The following CCDC7 variants were observed in gnomAD, a reference collection of about 807,000 sequenced individuals.
CCDC7 encodes coiled-coil domain containing 7, also known as coiled-coil domain-containing protein 7.
Under a neutral mutation model 196.9 loss-of-function variants are expected in CCDC7, and 183 were observed. The ratio of observed to expected loss-of-function variants is 0.93; its 90% CI spans 0.82 to 1.05. The LOEUF (loss-of-function observed/expected upper bound fraction) is 1.05, where lower values mean the gene tolerates loss of function less well. Among genes scored for constraint, CCDC7 ranks in the 50% least tolerant of loss-of-function variants. CCDC7 has a pLI of 0.00. For synonymous variants in CCDC7, 525 were observed against 484.6 expected (o/e 1.08, Z -1.10); for missense variants, 1,540 against 1,482.2 (o/e 1.04, Z -0.64).
rs567912223 is a variant in CCDC7, at chr10:32,837,740, C to A, written c.3352+2842C>A. Among the ~76,000 whole-genome samples, 346 of 152,138 alleles carry A rather than the reference C, an allele frequency of 2.3e-3. 1 individual carries two copies. The highest frequency in any genetic ancestry group is 7.3e-3 in the African/African-American group (304 of 41,496). The stretch of plus-strand genomic sequence containing the variant: ...CACATATACACCATGGAATACCATG[C>A]AGCCATAAAAAATGATGAGCTAATG... On this transcript the variant is annotated intron_variant, in intron 33 of 41. Coordinates refer to ENST00000639629, the Ensembl canonical transcript of CCDC7.
At chr10:32,650,321 G>C (rs2068515327) in intron 20 of CCDC7, among the ~76,000 whole-genome samples, 1 of 152,212 alleles carries the variant, frequency 6.6e-6, no homozygotes, top group Non-Finnish European at 1.5e-5. Flanking sequence ...GGTAGATGGT[G>C]CTTGAGAGCA....
At chr10:32,746,501 T>G (rs2074764117) in intron 28 of CCDC7, among the ~76,000 whole-genome samples, 1 of 152,164 alleles carries the variant, frequency 6.6e-6, no homozygotes. Flanking sequence ...AGGCTTGCCA[T>G]GCTTCTCTAG....
chr10:32,623,572 C>T (rs1228911084), intron 18 of CCDC7: 1 of 344,118 alleles, frequency 2.9e-6, no homozygotes, highest in African/African-American at 2.2e-5. Flanking sequence ...CTACAACCTG[C>T]TTCTCCCTTA....
At chr10:32,684,325 G>A (rs907332733) in intron 21 of CCDC7, among the ~76,000 whole-genome samples, 8 of 152,164 alleles carry the variant, frequency 5.3e-5, no homozygotes, top group Non-Finnish European at 7.3e-5. Context: ...CCTGAATAGC[G>A]GCTCTGCGGA....
chr10:32,506,470 G>A (rs1321244183), intron 9 of CCDC7, among the ~76,000 whole-genome samples: 2 of 152,254 alleles, frequency 1.3e-5, no homozygotes, highest in East Asian at 3.9e-4. Flanking sequence ...GGCAGAAGCT[G>A]TAATCTTAGC....
At chr10:32,678,799 G>C (rs187055173) in intron 21 of CCDC7, among the ~76,000 whole-genome samples, 130 of 152,216 alleles carry the variant, frequency 8.5e-4, no homozygotes, top group African/African-American at 3.1e-3. Flanking sequence ...AGATGAAACT[G>C]TTCTTATTAT....
At chr10:32,482,370 A>G in intron 8 of CCDC7, among the ~76,000 whole-genome samples, 1 of 146,790 alleles carries the variant, frequency 6.8e-6, no homozygotes, top group Admixed American at 7.2e-5. Flanking sequence ...TTTTTTTCCT[A>G]ACTGTATATT....
intron 28 of CCDC7, among the ~76,000 whole-genome samples, chr10:32,733,175 C>T (rs1051710200): frequency 1.3e-5 from 2 of 151,852 alleles, no homozygotes; most frequent in African/African-American, 4.8e-5. Context: ...AATATGAATA[C>T]CTTATGAAAC....
In CCDC7 at chr10:32,815,693, A is replaced by T. The variant is rs923630827; in HGVS notation, c.3181+1240A>T. Among the ~76,000 whole-genome samples, 4 of 152,224 alleles carry T rather than the reference A, an allele frequency of 2.6e-5. No homozygotes were observed. The South Asian group carries it at 8.3e-4, about 31-fold the overall frequency. ...TAAATACAAATCAATCCATGACCAG[A>T]CTAATCACTGTAAAAATGTTGAAAA... On this transcript the variant is annotated intron_variant, in intron 31 of 41. Transcript: ENST00000639629.
At position 32,848,764 on chromosome 10, in the gene CCDC7, A is replaced by G. The variant is rs1593418208; in HGVS notation, c.3895+46A>G. 4 of 1,355,938 alleles carry G rather than the reference A, an allele frequency of 2.9e-6. No individual in the cohort carries two copies. In the East Asian group the frequency reaches 7.0e-5, roughly 24 times the overall value. 84.0% of individuals were successfully genotyped at this position (1,355,938 alleles called of 1,614,324 possible). On this transcript the variant is annotated intron_variant, in intron 39 of 41. Transcript: ENST00000639629. ...ATATGAATTCAGTATCTAATTACCT[A>G]GAATAGTTTTAAAGTATGCTTTTTC...
Position 32,805,589 on chromosome 10 carries a change from A to G in CCDC7, c.3097+491A>G, listed in dbSNP as rs373364468. On this transcript the variant is annotated intron_variant, in intron 30 of 41. Coordinates refer to ENST00000639629, the Ensembl canonical transcript of CCDC7. ...TTGTGTAAAATAGTTCAGATATTAT[A>G]CTACTGCCTTTGGTACAAGAGTAGC... Among the ~76,000 whole-genome samples, 4 of 152,216 alleles carry G rather than the reference A, an allele frequency of 2.6e-5. No individual in the cohort carries two copies. In the East Asian group the frequency reaches 7.7e-4, roughly 29 times the overall value.
chr10:32,854,122 A>T (rs1275494365), intron 40 of CCDC7, among the ~76,000 whole-genome samples: 1 of 152,116 alleles, frequency 6.6e-6, no homozygotes, highest in Non-Finnish European at 1.5e-5. Flanking sequence ...GTAAGTAAGA[A>T]CATGTGGTAT....
intron 28 of CCDC7, among the ~76,000 whole-genome samples, chr10:32,756,727 T>TA (rs2076521347): frequency 6.6e-6 from 1 of 152,076 alleles, no homozygotes; most frequent in Non-Finnish European, 1.5e-5. Context: ...ACATCATAAT[T>TA]ACAGGATCAA....
intron 24 of CCDC7, among the ~76,000 whole-genome samples, chr10:32,700,594 A>C (rs2078531539): frequency 6.6e-6 from 1 of 152,198 alleles, no homozygotes; most frequent in South Asian, 2.1e-4. Flanking sequence ...CTTTGAAGAA[A>C]GTCGTTGGTA....
upstream of CCDC7, among the ~76,000 whole-genome samples, chr10:32,443,745 G>T: frequency 6.6e-6 from 1 of 151,024 alleles, no homozygotes. Flanking sequence ...TTAAATATTT[G>T]CTTATTTTTT....
intron 21 of CCDC7, among the ~76,000 whole-genome samples, chr10:32,682,502 T>A (rs2075981945): frequency 6.6e-6 from 1 of 152,226 alleles, no homozygotes; most frequent in Non-Finnish European, 1.5e-5. Context: ...TTATATTCTT[T>A]TGGGGTCATT....
chr10:32,592,908 C>T (rs1272525686), intron 18 of CCDC7, among the ~76,000 whole-genome samples: 4 of 152,148 alleles, frequency 2.6e-5, no homozygotes, highest in South Asian at 4.1e-4. Flanking sequence ...CATAGTATTC[C>T]GTGGTGTATA....
intron 8 of CCDC7, among the ~76,000 whole-genome samples, chr10:32,484,472 A>G (rs1175010264): frequency 2.0e-5 from 3 of 152,120 alleles, no homozygotes; most frequent in Non-Finnish European, 2.9e-5. Context: ...TCTTTTCCTA[A>G]TTCAATACCC....
intron 20 of CCDC7, among the ~76,000 whole-genome samples, chr10:32,651,620 G>C (rs1270697042): frequency 6.6e-6 from 1 of 152,152 alleles, no homozygotes; most frequent in African/African-American, 2.4e-5. Context: ...AGTATTTAAG[G>C]GTTCAGGGTG....
Sources: gnomAD v4.1 joint callset for allele counts (sites outside exome capture counted in the v4.1 genomes callset) on GRCh38, gnomAD v4.1.1 for gene constraint, MANE v1.5 for transcripts, NCBI Gene and HGNC (gene_info 2026-07-23, HGNC 2026-07-21) for gene names.